The following SLC66A3 variants were observed in gnomAD, a reference collection of about 807,000 sequenced individuals.
SLC66A3 encodes the protein solute carrier family 66 member 3, also known as PQ loop repeat containing 3.
A neutral mutation model predicts 25.5 loss-of-function variants in SLC66A3; 23 were observed. The observed-to-expected ratio is 0.90, with a 90% CI of 0.65 to 1.28. The LOEUF (loss-of-function observed/expected upper bound fraction) is 1.28, where lower values mean the gene tolerates loss of function less well. Among genes scored for constraint, SLC66A3 ranks in the 50% most tolerant of loss-of-function variants. The pLI is 0.00. For synonymous variants in SLC66A3, 108 were observed against 112.6 expected (o/e 0.96, Z 0.26); for missense variants, 246 against 262.1 (o/e 0.94, Z 0.42).
intron 1 of SLC66A3, chr2:11,160,169 C>T: frequency 2.1e-6 from 1 of 468,400 alleles, no homozygotes; most frequent in Non-Finnish European, 3.9e-6. Context: ...CATATTCTTG[C>T]TCAGGGATTT....
chr2:11,159,408 C>T (rs1662032798), intron 1 of SLC66A3, among the ~76,000 whole-genome samples: 1 of 152,152 alleles, frequency 6.6e-6, no homozygotes, highest in Non-Finnish European at 1.5e-5. Context: ...CTGCAGGCAG[C>T]TGGGGGTGGG....
chr2:11,164,341 A>ATTTTTTTTTTTTTTTTTTTTT (rs1440192829), intron 4 of SLC66A3, 80 bp downstream of exon 4: 1 of 121,088 alleles, frequency 8.3e-6, no homozygotes, highest in African/African-American at 4.9e-5. Context: ...ATATATATAT[A>ATTTTTTTTTTTTTTTTTTTTT]TATATTTTTT....
At chr2:11,174,722 A>C (rs1662675996) in intron 5 of SLC66A3, among the ~76,000 whole-genome samples, 1 of 152,208 alleles carries the variant, frequency 6.6e-6, no homozygotes, top group African/African-American at 2.4e-5. Context: ...GCTGGTCTCG[A>C]ACTCCTGACC....
Position 11,160,469 on chromosome 2 carries a change from C to T in SLC66A3, c.147C>T (p.Phe49=), listed in dbSNP as rs750284156. ...LPSLLLELAG[F]LVFLRYQCYY... ...ACATGTGCCCTTCTCTCTCCAGATTCCTGGTGTTTCTGCGGTACCAGTGTT... is the reference window on the plus strand; with the variant it reads ...ACATGTGCCCTTCTCTCTCCAGATTTCTGGTGTTTCTGCGGTACCAGTGTT... The change falls in exon 2 of 7, where the codon TTC becomes TTT. Residue 49 remains phenylalanine, a synonymous_variant. Transcript: ENST00000295083. 17 of 1,614,134 alleles carry T rather than the reference C, an allele frequency of 1.1e-5. No homozygotes were observed. The South Asian group carries it at 1.9e-4, about 18-fold the overall frequency.
intron 3 of SLC66A3, among the ~76,000 whole-genome samples, chr2:11,161,024 G>A (rs1558250712): frequency 3.9e-5 from 6 of 152,152 alleles, no homozygotes. Context: ...TGTCCTCCGA[G>A]GATTGGAAGC....
At chr2:11,165,575 G>C (rs988172932) in intron 4 of SLC66A3, among the ~76,000 whole-genome samples, 1 of 152,110 alleles carries the variant, frequency 6.6e-6, no homozygotes, top group African/African-American at 2.4e-5. Context: ...CAGACGATGG[G>C]CGGCCAGGCA....
In SLC66A3 at chr2:11,172,975, G is replaced by C. The variant is rs576165939; in HGVS notation, c.475+930G>C. On this transcript the variant is annotated intron_variant, in intron 5 of 6. Transcript: ENST00000295083. ...CCTCCAAGGTTCAAGCGATTCTCCTGCCTCAGCTTCCTGAGTAGCTGGGAT... is the reference window on the plus strand; with the variant it reads ...CCTCCAAGGTTCAAGCGATTCTCCTCCCTCAGCTTCCTGAGTAGCTGGGAT... 1.1e-3 allele frequency among the ~76,000 whole-genome samples: 169 copies of C among 152,260 alleles called. 3 individuals carry two copies. The highest frequency in any genetic ancestry group is 4.0e-3 in the African/African-American group (167 of 41,538).
chr2:11,155,669 T>C lies in SLC66A3; in HGVS notation c.123T>C (p.Ser41=). 3 of 1,461,922 alleles carry C rather than the reference T, an allele frequency of 2.1e-6. No homozygotes were observed. Among genetic ancestry groups the C allele is most frequent in the Non-Finnish European group, 1.8e-6 (2 of 1,112,704 alleles). The allele number at this position is 1,461,922 out of a possible 1,614,324, so 90.6% of individuals were successfully genotyped here. ...GCGCGCGGGGCCTCAGCCTTCCGAG[T>C]TTACTTCTGGAGCTGGCAGGGTAAG... ...ARSARGLSLP[S]LLLELAGFLV... The change falls in exon 1 of 7, where the codon AGT becomes AGC. Residue 41 remains serine, a synonymous_variant. Transcript: ENST00000295083.
chr2:11,169,831 T>TTC (rs201735053), intron 4 of SLC66A3, among the ~76,000 whole-genome samples: 1 of 130,528 alleles, frequency 7.7e-6, no homozygotes, highest in Non-Finnish European at 1.6e-5. Flanking sequence ...CACCCTGGAT[T>TTC]TCTCTCTTTT....
intron 1 of SLC66A3, among the ~76,000 whole-genome samples, chr2:11,157,552 G>A (rs1488196940): frequency 1.3e-5 from 2 of 152,192 alleles, no homozygotes; most frequent in Non-Finnish European, 2.9e-5. Context: ...TGGGCCCCCG[G>A]GCCCCTGACC....
At chr2:11,166,518 C>A (rs1020856194) in intron 4 of SLC66A3, among the ~76,000 whole-genome samples, 1 of 152,200 alleles carries the variant, frequency 6.6e-6, no homozygotes, top group East Asian at 1.9e-4. Flanking sequence ...TGTTACATTT[C>A]AACCCTGTGA....
At chr2:11,166,514 A>C (rs1198887773) in intron 4 of SLC66A3, among the ~76,000 whole-genome samples, 4 of 152,222 alleles carry the variant, frequency 2.6e-5, no homozygotes, top group Non-Finnish European at 5.9e-5. Context: ...TTTCTGTTAC[A>C]TTTCAACCCT....
chr2:11,160,570 A>G (rs1296421452), intron 2 of SLC66A3, 22 bp downstream of exon 2: 2 of 1,614,056 alleles, frequency 1.2e-6, no homozygotes, highest in Non-Finnish European at 8.5e-7. Flanking sequence ...TTCCCTGTCC[A>G]GCGGACTGCC....
intron 1 of SLC66A3, 123 bp downstream of exon 1, chr2:11,155,812 G>A (rs757731639): frequency 3.5e-5 from 33 of 948,054 alleles, no homozygotes; most frequent in Non-Finnish European, 4.5e-5. Context: ...GTCGCAGCTG[G>A]GCGGCCGAGG....
At chr2:11,164,604 A>G (rs1208069155) in intron 4 of SLC66A3, among the ~76,000 whole-genome samples, 2 of 150,298 alleles carry the variant, frequency 1.3e-5, no homozygotes, top group African/African-American at 5.0e-5. Context: ...TGGCAGGGTC[A>G]CAGGACAATA....
Position 11,171,969 on chromosome 2 carries a change from C to T in SLC66A3, c.399C>T (p.Leu133=). The change falls in exon 5 of 7, where the codon CTC becomes CTT. Residue 133 remains leucine (L), a synonymous_variant. Coordinates refer to ENST00000295083, the MANE Select transcript of SLC66A3 (RefSeq NM_152391.5). ...GCGCGGCCAGTAAGTTTGCACAGCT[C>T]CAGTGTCTGTGGAAGACGAGAGACT... ...FISAASKFAQ[L]QCLWKTRDSG... The T allele has an allele frequency of 2.5e-6, 4 of 1,613,958 alleles. No homozygotes were observed. The highest frequency in any genetic ancestry group is 3.3e-4 in the Middle Eastern group (2 of 6,062).
chr2:11,170,416 C>G (rs1427367500), intron 4 of SLC66A3, among the ~76,000 whole-genome samples: 1 of 152,104 alleles, frequency 6.6e-6, no homozygotes, highest in African/African-American at 2.4e-5. Context: ...GAGCAGCAGG[C>G]TTATTTGTGA....
chr2:11,168,158 A>G (rs934785676), intron 4 of SLC66A3, among the ~76,000 whole-genome samples: 9 of 151,800 alleles, frequency 5.9e-5, no homozygotes, highest in East Asian at 1.9e-4. Flanking sequence ...GGTGGCGGGC[A>G]CCTGTAGTCC....
chr2:11,163,584 G>A (rs1572181324), intron 3 of SLC66A3, among the ~76,000 whole-genome samples: 1 of 152,338 alleles, frequency 6.6e-6, no homozygotes, highest in East Asian at 1.9e-4. Flanking sequence ...TGGAAAGATG[G>A]AAAGTGACTT....
Sources: gnomAD v4.1 joint callset for allele counts (sites outside exome capture counted in the v4.1 genomes callset) on GRCh38, gnomAD v4.1.1 for gene constraint, MANE v1.5 for transcripts, NCBI Gene and HGNC (gene_info 2026-07-23, HGNC 2026-07-21) for gene names.